The following ZFHX3 variants were observed in gnomAD, a reference collection of about 807,000 sequenced individuals.
The protein encoded by ZFHX3 is zinc finger homeobox protein 3.
In ZFHX3, 42 loss-of-function variants were observed where a neutral mutation model predicts 279.1. The observed-to-expected ratio is 0.15, with a 90% CI of 0.12 to 0.19. The LOEUF is 0.19. Ranked by LOEUF, ZFHX3 falls within the 10% of genes least tolerant of loss-of-function variation. ZFHX3 has a pLI of 1.00. For missense variants in ZFHX3, 4,981 were observed against 4,754.0 expected (o/e 1.05, Z -1.40); for synonymous variants, 2,293 against 1,957.8 (o/e 1.17, Z -4.52).
At chr16:73,690,379 G>C (rs977008307) in intron 1 of ZFHX3, among the ~76,000 whole-genome samples, 5 of 152,118 alleles carry the variant, frequency 3.3e-5, no homozygotes, top group Admixed American at 1.3e-4. Context: ...AAGCAGCTAG[G>C]TAAGAAGAAA....
At chr16:73,366,901 A>G (rs1441113668) in intron 3 of ZFHX3, among the ~76,000 whole-genome samples, 4 of 152,212 alleles carry the variant, frequency 2.6e-5, no homozygotes, top group African/African-American at 7.2e-5. Flanking sequence ...GTTCTTTGAC[A>G]TAGCTGAAAA....
rs1324651968 is a variant in ZFHX3, at chr16:73,047,898, C to T, written c.-196G>A. 6.6e-6 allele frequency: 1 copy of T among 152,354 alleles called. No homozygotes were observed. Among genetic ancestry groups the T allele is most frequent in the Non-Finnish European group, 1.5e-5 (1 of 68,148 alleles). 9.4% of individuals were successfully genotyped at this position (152,354 alleles called of 1,614,324 possible). On this transcript the variant is annotated 5_prime_UTR_variant, in exon 1 of 10. Transcript: ENST00000268489. ...CAGGCGGCATGCTCCCCACCTCCCGCTGGCCCCAGGACTCGGAGGTGGCTC... is the reference window on the plus strand; with the variant it reads ...CAGGCGGCATGCTCCCCACCTCCCGTTGGCCCCAGGACTCGGAGGTGGCTC...
intron 3 of ZFHX3, among the ~76,000 whole-genome samples, chr16:73,412,171 C>G (rs753437128): frequency 6.6e-6 from 1 of 151,678 alleles, no homozygotes; most frequent in Non-Finnish European, 1.5e-5. Context: ...ACAAAAAATG[C>G]AAAAATTAGC....
At chr16:73,689,274 C>T (rs147081551) in intron 1 of ZFHX3, among the ~76,000 whole-genome samples, 1 of 152,274 alleles carries the variant, frequency 6.6e-6, no homozygotes, top group African/African-American at 2.4e-5. Flanking sequence ...TCACATTATG[C>T]TCTGGGGACA....
At chr16:73,315,378 T>C (rs1226965706) in intron 4 of ZFHX3, among the ~76,000 whole-genome samples, 1 of 152,202 alleles carries the variant, frequency 6.6e-6, no homozygotes, top group Non-Finnish European at 1.5e-5. Flanking sequence ...GCAATTTCTA[T>C]AGTAAAGTTT....
intron 7 of ZFHX3, among the ~76,000 whole-genome samples, chr16:73,115,489 G>A (rs1966421370): frequency 6.6e-6 from 1 of 151,958 alleles, no homozygotes; most frequent in African/African-American, 2.4e-5. Flanking sequence ...GGTCGAGGCT[G>A]CAGTGAACCG....
At chr16:73,784,672 A>T (rs556640079) in intron 1 of ZFHX3, among the ~76,000 whole-genome samples, 7 of 151,942 alleles carry the variant, frequency 4.6e-5, no homozygotes, top group Non-Finnish European at 7.4e-5. Context: ...GCTTGAACCC[A>T]GGAGGCAGAG....
chr16:73,606,672 C>T (rs2052186969), intron 2 of ZFHX3, among the ~76,000 whole-genome samples: 1 of 152,096 alleles, frequency 6.6e-6, no homozygotes, highest in African/African-American at 2.4e-5. Flanking sequence ...CCTATCAACC[C>T]ACCACCTAGG....
chr16:73,434,596 C>A (rs1334141109), intron 3 of ZFHX3, among the ~76,000 whole-genome samples: 1 of 118,926 alleles, frequency 8.4e-6, no homozygotes, highest in African/African-American at 3.2e-5. Flanking sequence ...TGTGTTGACT[C>A]ATCTATGGAT....
chr16:73,756,223 T>TCTTTCC (rs1274473360), intron 1 of ZFHX3, among the ~76,000 whole-genome samples: 1 of 152,206 alleles, frequency 6.6e-6, no homozygotes, highest in African/African-American at 2.4e-5. Context: ...TCTCTCTTTC[T>TCTTTCC]CTTTCCCTCA....
At chr16:72,844,134 G>C (rs1368120987) in intron 4 of ZFHX3, among the ~76,000 whole-genome samples, 1 of 152,148 alleles carries the variant, frequency 6.6e-6, no homozygotes, top group Non-Finnish European at 1.5e-5. Context: ...CGATATTCTG[G>C]ATCAGGGTGA....
chr16:73,268,469 C>T (rs2014044266), intron 4 of ZFHX3, among the ~76,000 whole-genome samples: 1 of 152,208 alleles, frequency 6.6e-6, no homozygotes, highest in African/African-American at 2.4e-5. Flanking sequence ...CAAACTTGTT[C>T]TCAGCCACTG....
At chr16:72,962,529 G>A (rs1391665318) in intron 1 of ZFHX3, among the ~76,000 whole-genome samples, 1 of 152,178 alleles carries the variant, frequency 6.6e-6, no homozygotes, top group African/African-American at 2.4e-5. Flanking sequence ...ACCCACTGCA[G>A]GACCCAAGCT....
At chr16:73,132,674 T>A (rs1486624929) in intron 6 of ZFHX3, among the ~76,000 whole-genome samples, 1 of 152,188 alleles carries the variant, frequency 6.6e-6, no homozygotes, top group Non-Finnish European at 1.5e-5. Context: ...ATATCCTGTG[T>A]CTAGGCTGTA....
intron 8 of ZFHX3, among the ~76,000 whole-genome samples, chr16:73,065,153 CTG>C (rs376339011): frequency 3.9e-5 from 6 of 152,320 alleles, no homozygotes; most frequent in African/African-American, 1.4e-4. Flanking sequence ...GGGAGCAGGG[CTG>C]TGAGTGGGCA....
intron 3 of ZFHX3, among the ~76,000 whole-genome samples, chr16:73,334,807 A>ATTATTTT (rs1224756669): frequency 3.2e-4 from 9 of 28,494 alleles, no homozygotes; most frequent in African/African-American, 1.3e-3. Context: ...TTTCTTTCTC[A>ATTATTTT]TTCTTTTTTT....
chr16:73,837,827 G>A (rs772859462), intron 1 of ZFHX3, among the ~76,000 whole-genome samples: 15 of 152,190 alleles, frequency 9.9e-5, no homozygotes, highest in Non-Finnish European at 2.1e-4. Context: ...GTAGAAACGG[G>A]GTTTCTCCAT....
chr16:73,249,778 C>T (rs527528832), intron 5 of ZFHX3, among the ~76,000 whole-genome samples: 221 of 149,474 alleles, frequency 1.5e-3, no homozygotes, highest in Middle Eastern at 3.4e-3. Context: ...AGAAAAAAAA[C>T]CCAGTTAACT....
chr16:73,817,752 C>T (rs1330784568), intron 1 of ZFHX3, among the ~76,000 whole-genome samples: 1 of 152,186 alleles, frequency 6.6e-6, no homozygotes, highest in Non-Finnish European at 1.5e-5. Flanking sequence ...CCCAGATACT[C>T]ATTAGTACTG....
Sources: allele counts gnomAD v4.1 joint callset (sites outside exome capture counted in the v4.1 genomes callset), GRCh38; gene constraint gnomAD v4.1.1; transcripts MANE v1.5; gene names NCBI Gene and HGNC (gene_info 2026-07-23, HGNC 2026-07-21).